Variants in TMEM222 observed in about 807,000 individuals in gnomAD.
TMEM222 encodes transmembrane protein 222.
TMEM222 carries 18 observed loss-of-function variants against 25.1 expected under a neutral mutation model. The ratio of observed to expected loss-of-function variants is 0.72; its 90% CI spans 0.50 to 1.06. The LOEUF is 1.06. Ranked by LOEUF, TMEM222 falls within the 50% of genes least tolerant of loss-of-function variation. TMEM222 has a pLI of 0.00. For missense variants in TMEM222, 296 were observed against 293.7 expected (o/e 1.01, Z -0.06); for synonymous variants, 131 against 117.9 (o/e 1.11, Z -0.72).
intron 2 of TMEM222, 156 bp downstream of exon 2, chr1:27,330,960 C>A (rs748236548): frequency 1.4e-5 from 21 of 1,512,044 alleles, no homozygotes; most frequent in Non-Finnish European, 1.8e-5. Flanking sequence ...GTGTTTGACC[C>A]CTTTCCCCCT....
Position 27,335,545 on chromosome 1 carries a change from C to A in TMEM222, c.*79C>A. Reference sequence around the variant, plus strand: ...CCTTTTGGTTCCAGATTTTTTTCTCCTCACCCCAAAAGGCAGGGTTGGGCC... The same window carrying A: ...CCTTTTGGTTCCAGATTTTTTTCTCATCACCCCAAAAGGCAGGGTTGGGCC... On this transcript the variant is annotated 3_prime_UTR_variant, in exon 6 of 6. Transcript: ENST00000374076. The A allele has an allele frequency of 6.9e-7, 1 of 1,458,972 alleles. No homozygotes were observed. 90.4% of individuals were successfully genotyped at this position (1,458,972 alleles called of 1,614,324 possible). A position where few individuals can be genotyped will look rare whatever the true frequency, so the allele number is the denominator to read the frequency against.
At chr1:27,335,217 G>T in intron 5 of TMEM222, 162 bp from the exon 6 acceptor site, 1 of 685,036 alleles carries the variant, frequency 1.5e-6, no homozygotes. Flanking sequence ...GGGCAACCAT[G>T]CCCAGCCTGC....
chr1:27,325,467 C>T, intron 1 of TMEM222: 1 of 1,394,790 alleles, frequency 7.2e-7, no homozygotes, highest in Non-Finnish European at 1.0e-6. Context: ...GCCTTCCTTC[C>T]TGGGTATGGA....
chr1:27,330,496 T>A (rs1442606143), intron 1 of TMEM222, among the ~76,000 whole-genome samples: 2 of 152,154 alleles, frequency 1.3e-5, no homozygotes, highest in East Asian at 3.9e-4. Context: ...TGCTGTCGTT[T>A]GAGTTACAGC....
intron 5 of TMEM222, 171 bp downstream of exon 5, chr1:27,334,452 G>A (rs549923289): frequency 1.3e-4 from 168 of 1,274,122 alleles, no homozygotes; most frequent in Non-Finnish European, 2.0e-5. Context: ...TGGAGAGGGA[G>A]GTGGCTGTGC....
intron 1 of TMEM222, among the ~76,000 whole-genome samples, chr1:27,329,872 C>T (rs1253275960): frequency 6.6e-6 from 1 of 152,042 alleles, no homozygotes; most frequent in Non-Finnish European, 1.5e-5. Context: ...GAGGCCGAGG[C>T]AGGCAGATGA....
At chr1:27,322,797 A>G (rs1333153684) in intron 1 of TMEM222, among the ~76,000 whole-genome samples, 2 of 152,014 alleles carry the variant, frequency 1.3e-5, no homozygotes, top group East Asian at 3.9e-4. Flanking sequence ...TGGGAGCAAG[A>G]GTGGGAGTTT....
At chr1:27,333,477 AG>A (rs1480272472) in intron 3 of TMEM222, 1 of 462,830 alleles carries the variant, frequency 2.2e-6, no homozygotes, top group South Asian at 1.5e-5. Context: ...ACAGTTCCGA[AG>A]ACTGGACAGT....
chr1:27,333,410 T>G, intron 3 of TMEM222: 1 of 470,874 alleles, frequency 2.1e-6, no homozygotes, highest in South Asian at 1.5e-5. Context: ...CCGTTCTGGC[T>G]GCCATAACAA....
chr1:27,330,703 C>T lies in TMEM222; in HGVS notation c.195-17C>T, dbSNP rs377251590. ...GATCCCCTAAGCTCTGTCCCTTCCC[C>T]GTCCTTTTCCTCACAGGTGGTTTTT... On this transcript the variant is annotated splice_polypyrimidine_tract_variant and intron_variant, in intron 1 of 5. Transcript: ENST00000374076. 112 of 1,611,578 alleles carry T rather than the reference C, an allele frequency of 6.9e-5. No individual in the cohort carries two copies. Among genetic ancestry groups the T allele is most frequent in the African/African-American group, 9.3e-5 (7 of 74,880 alleles).
chr1:27,330,921 T>TCCTGGC (rs1269110120), intron 2 of TMEM222, 117 bp downstream of exon 2: 67 of 1,577,006 alleles, frequency 4.2e-5, no homozygotes, highest in Admixed American at 8.8e-5. Flanking sequence ...TAACCCGCAG[T>TCCTGGC]CCTGGCCCTG....
chr1:27,322,185 G>C lies in TMEM222; in HGVS notation c.-13G>C. On this transcript the variant is annotated 5_prime_UTR_variant, in exon 1 of 6. Coordinates refer to ENST00000374076, the MANE Select transcript of TMEM222 (RefSeq NM_032125.3). The stretch of plus-strand genomic sequence containing the variant: ...ACCAGAGCCGGGGCCAGTCGGAGCG[G>C]GGCGCGCGCCGCATGGCGGAAGCGG... The C allele has an allele frequency of 7.2e-7, 1 of 1,380,988 alleles. No homozygotes were observed. Among genetic ancestry groups the C allele is most frequent in the Non-Finnish European group, 9.5e-7 (1 of 1,056,338 alleles). The allele number at this position is 1,380,988 out of a possible 1,614,324, so 85.5% of individuals were successfully genotyped here. A position where few individuals can be genotyped will look rare whatever the true frequency, so the allele number is the denominator to read the frequency against.
intron 5 of TMEM222, 144 bp downstream of exon 5, chr1:27,334,425 A>G: frequency 7.3e-7 from 1 of 1,366,378 alleles, no homozygotes; most frequent in Admixed American, 2.4e-5. Context: ...TTCTAGAGTG[A>G]CGAGCTGAGG....
At position 27,325,506 on chromosome 1, in the gene TMEM222, A is replaced by G. The variant is rs919419676; in HGVS notation, c.194+3115A>G. ...TTGCGGCATCCACGAGACCACGTTC[A>G]ACTCCATCATGAAGTGTGACGTAGA... is the stretch of plus-strand genomic sequence containing the variant. On this transcript the variant is annotated intron_variant, in intron 1 of 5. Transcript: ENST00000374076. 6 of 1,466,232 alleles carry G rather than the reference A, an allele frequency of 4.1e-6. No homozygotes were observed. In the African/African-American group the frequency reaches 5.6e-5, roughly 14 times the overall value. 90.8% of individuals were successfully genotyped at this position (1,466,232 alleles called of 1,614,324 possible). A position where few individuals can be genotyped will look rare whatever the true frequency, so the allele number is the denominator to read the frequency against.
chr1:27,327,449 C>T (rs146291299), intron 1 of TMEM222, among the ~76,000 whole-genome samples: 4,921 of 152,280 alleles, frequency 0.032, 97 homozygotes, highest in Middle Eastern at 0.048. Flanking sequence ...AATGCAGTGG[C>T]GTGATCTCAG....
intron 1 of TMEM222, among the ~76,000 whole-genome samples, chr1:27,327,638 C>T (rs1387457722): frequency 6.6e-6 from 1 of 152,272 alleles, no homozygotes; most frequent in Non-Finnish European, 1.5e-5. Flanking sequence ...ATCCACCGGC[C>T]TCTGCCTCCC....
chr1:27,328,335 G>A (rs2014402194), intron 1 of TMEM222, among the ~76,000 whole-genome samples: 1 of 152,204 alleles, frequency 6.6e-6, no homozygotes, highest in South Asian at 2.1e-4. Context: ...AGAGGGGACT[G>A]AGATGAAGTT....
chr1:27,335,253 G>C lies in TMEM222; in HGVS notation c.540-126G>C, dbSNP rs377610031. ...TTCCTTGATTGGCCAAGTTTGGGGTGAGGGGGTGGTTGGGTTTTCCTTAGG... is the reference window on the plus strand; with the variant it reads ...TTCCTTGATTGGCCAAGTTTGGGGTCAGGGGGTGGTTGGGTTTTCCTTAGG... On this transcript the variant is annotated intron_variant, in intron 5 of 5. Transcript: ENST00000374076. The C allele has an allele frequency of 8.4e-5, 74 of 881,088 alleles. 1 individual carries two copies. In the African/African-American group the frequency reaches 1.0e-3, roughly 12 times the overall value. The allele number at this position is 881,088 out of a possible 1,614,324, so 54.6% of individuals were successfully genotyped here.
chr1:27,325,828 G>T (rs2014332579), intron 1 of TMEM222: 5 of 801,896 alleles, frequency 6.2e-6, no homozygotes, highest in Non-Finnish European at 1.1e-5. Context: ...AGCATTTGCT[G>T]CATGGGTTAA....
Sources: allele counts gnomAD v4.1 joint callset (sites outside exome capture counted in the v4.1 genomes callset), GRCh38; gene constraint gnomAD v4.1.1; transcripts MANE v1.5; gene names NCBI Gene and HGNC (gene_info 2026-07-23, HGNC 2026-07-21).